ZNF141: variants seen among roughly 807,000 people sequenced by gnomAD.
ZNF141 encodes the protein zinc finger protein 141.
Under a neutral mutation model 11.3 loss-of-function variants are expected in ZNF141, and 7 were observed. The ratio of observed to expected loss-of-function variants is 0.62; its 90% CI spans 0.35 to 1.16. The LOEUF is 1.16. Ranked by LOEUF, ZNF141 falls within the 50% of genes most tolerant of loss-of-function variation. ZNF141 has a pLI of 0.02. For missense variants in ZNF141, 535 were observed against 554.0 expected, an observed-to-expected ratio of 0.97 and a Z score of 0.34; for synonymous variants, 183 against 190.7, an observed-to-expected ratio of 0.96 and a Z score of 0.33.
Position 378,440 on chromosome 4 carries a change from T to A in ZNF141, c.*4578T>A, listed in dbSNP as rs146309579. 5.9e-3 allele frequency among the ~76,000 whole-genome samples: 900 copies of A among 152,102 alleles called. 15 individuals carry two copies. The South Asian group carries it at 0.062, about 11-fold the overall frequency. On this transcript the variant is annotated 3_prime_UTR_variant, in exon 4 of 4. Coordinates refer to ENST00000240499, the MANE Select transcript of ZNF141 (RefSeq NM_003441.4). ...GCCTGCCACCACGCCCAGTTAATTT[T>A]TATATTTTTAGTAGAGATGGGGTTT... is the stretch of plus-strand genomic sequence containing the variant.
At chr4:371,559 T>TGC (rs2108652569) in intron 3 of ZNF141, among the ~76,000 whole-genome samples, 1 of 147,264 alleles carries the variant, frequency 6.8e-6, no homozygotes, top group African/African-American at 2.5e-5. Flanking sequence ...TGTGTGTGTG[T>TGC]GTCAGAGTCT....
rs1560196722 is a variant in ZNF141, at chr4:369,750, ATATATATATATATATTTTT to A, written c.227-2912_227-2894del. ...ATTTCTTAAAGAGATATATATATAT[ATATATATATATATATTTTT>A]TTTTTTTTTTTTTTTGAGAGGGAGT... On this transcript the variant is annotated intron_variant, in intron 3 of 3. Transcript: ENST00000240499. 8.5e-5 allele frequency among the ~76,000 whole-genome samples: 3 copies of A among 35,194 alleles called. 1 individual carries two copies. The highest frequency in any genetic ancestry group is 6.9e-4 in the Admixed American group (2 of 2,904). The allele number at this position is 35,194 out of a possible 152,430, so 23.1% of individuals were successfully genotyped here.
chr4:361,406 TTC>T (rs1722107269), intron 3 of ZNF141, among the ~76,000 whole-genome samples: 1 of 150,964 alleles, frequency 6.6e-6, no homozygotes. Flanking sequence ...TTTTTTTAAG[TTC>T]TAGGGTACAT....
intron 3 of ZNF141, among the ~76,000 whole-genome samples, chr4:357,764 T>G (rs947389247): frequency 8.0e-5 from 12 of 150,732 alleles, no homozygotes; most frequent in African/African-American, 2.7e-4. Flanking sequence ...TGGAGTGCAG[T>G]GGCACGATCT....
intron 3 of ZNF141, among the ~76,000 whole-genome samples, chr4:369,764 A>ATTTATATT (rs1711960320): frequency 2.1e-5 from 1 of 48,742 alleles, no homozygotes; most frequent in Non-Finnish European, 3.1e-5. Context: ...ATATATATAT[A>ATTTATATT]TTTTTTTTTT....
chr4:373,770 C>G lies in ZNF141; in HGVS notation c.1333C>G (p.His445Asp). 1 of 1,614,120 alleles carries G rather than the reference C, an allele frequency of 6.2e-7. No homozygotes were observed. The highest frequency in any genetic ancestry group is 2.2e-5 in the East Asian group (1 of 44,884). The change falls in exon 4 of 4, where the codon CAT becomes GAT. Residue 445 changes from histidine to aspartate, a missense_variant. His to Asp is a moderately conservative substitution (Grantham distance 81, BLOSUM62 -1). Transcript: ENST00000240499. ...FSLLSQHKKI[H>D]TVDKPYKCKD... ...GCTCCTGAGTCAACATAAGAAAATTCATACTGTAGATAAACCCTACAAATG... is the reference window on the plus strand; with the variant it reads ...GCTCCTGAGTCAACATAAGAAAATTGATACTGTAGATAAACCCTACAAATG...
chr4:372,767 T>C lies in ZNF141; in HGVS notation c.330T>C (p.Asn110=), dbSNP rs1712132768. The part of the protein sequence containing the change: ...LRRYEKCGHD[N]LQLRKGCKSL... Reference sequence around the variant, plus strand: ...GATATGAGAAATGTGGACATGATAATTTACAATTAAGAAAAGGCTGTAAAA... The same window carrying C: ...GATATGAGAAATGTGGACATGATAACTTACAATTAAGAAAAGGCTGTAAAA... Residue 110 remains asparagine (N), a synonymous_variant, in exon 4 of 4, where the codon AAT becomes AAC. Transcript: ENST00000240499. The C allele has an allele frequency of 6.2e-7, 1 of 1,613,758 alleles. No homozygotes were observed. The highest frequency in any genetic ancestry group is 1.7e-5 in the Admixed American group (1 of 59,968).
chr4:356,586 A>T (rs1300416989), intron 3 of ZNF141, among the ~76,000 whole-genome samples: 2 of 152,166 alleles, frequency 1.3e-5, no homozygotes, highest in African/African-American at 2.4e-5. Context: ...TGCTGGAATT[A>T]GAGGTGTGAG....
rs570639890 is a variant in ZNF141, at chr4:378,835, ATTTTTTTTTTTTTTT to A, written c.*4986_*5000del. ...GTTGAATCCAAACAGTTTCTCAGTGATTTTTTTTTTTTTTTTTTTTTTTTTTTGAGATGGAGTCTT... is the reference window on the plus strand; with the variant it reads ...GTTGAATCCAAACAGTTTCTCAGTGATTTTTTTTTTTTGAGATGGAGTCTT... On this transcript the variant is annotated 3_prime_UTR_variant, in exon 4 of 4. Coordinates refer to ENST00000240499, the MANE Select transcript of ZNF141 (RefSeq NM_003441.4). Among the ~76,000 whole-genome samples the A allele has an allele frequency of 3.8e-5, 3 of 78,606 alleles. No individual in the cohort carries two copies. Among genetic ancestry groups the A allele is most frequent in the African/African-American group, 6.0e-5 (1 of 16,530 alleles). The allele number at this position is 78,606 out of a possible 152,430, so 51.6% of individuals were successfully genotyped here. A position where few individuals can be genotyped will look rare whatever the true frequency, so the allele number is the denominator to read the frequency against.
At chr4:357,408 G>T (rs1161937217) in intron 3 of ZNF141, among the ~76,000 whole-genome samples, 2 of 147,190 alleles carry the variant, frequency 1.4e-5, no homozygotes, top group Admixed American at 1.4e-4. Context: ...GATAGAGTGA[G>T]ACTCTGTCTC....
chr4:360,466 A>C (rs1722057124), intron 3 of ZNF141, among the ~76,000 whole-genome samples: 1 of 152,212 alleles, frequency 6.6e-6, no homozygotes, highest in Non-Finnish European at 1.5e-5. Context: ...CATAAGTCAC[A>C]GTTGAAAACT....
chr4:363,918 C>T (rs1300817698), intron 3 of ZNF141, among the ~76,000 whole-genome samples: 2 of 152,038 alleles, frequency 1.3e-5, no homozygotes, highest in Admixed American at 6.6e-5. Context: ...TGAATTTTGC[C>T]GAAGGCCTTT....
Position 379,868 on chromosome 4 carries a change from C to T in ZNF141, c.*6006C>T, listed in dbSNP as rs547868323. ...TACATTGTCAAAAGCTTAATTCTAG[C>T]TGCTTAACAAATACTTCACCACACA... On this transcript the variant is annotated 3_prime_UTR_variant, in exon 4 of 4. Transcript: ENST00000240499. 2.6e-5 allele frequency among the ~76,000 whole-genome samples: 4 copies of T among 152,208 alleles called. No individual in the cohort carries two copies. Among genetic ancestry groups the T allele is most frequent in the Non-Finnish European group, 5.9e-5 (4 of 68,042 alleles).
intron 3 of ZNF141, among the ~76,000 whole-genome samples, chr4:349,350 A>C (rs1449249769): frequency 6.6e-6 from 1 of 151,964 alleles, no homozygotes; most frequent in Non-Finnish European, 1.5e-5. Flanking sequence ...AGTTCAATCA[A>C]TTTTTCTTAT....
rs1053875066 is a variant in ZNF141, at chr4:343,696, G to A, written c.4-86G>A. ...GCCGAGACTGCGCCGCTGCACTCCAGCCTGGGTGACAGAGCGAGACTCCGT... is the reference window on the plus strand; with the variant it reads ...GCCGAGACTGCGCCGCTGCACTCCAACCTGGGTGACAGAGCGAGACTCCGT... On this transcript the variant is annotated intron_variant, in intron 1 of 3. Transcript: ENST00000240499. 5.1e-5 allele frequency: 65 copies of A among 1,275,396 alleles called. No individual in the cohort carries two copies. In the African/African-American group the frequency reaches 1.1e-3, roughly 22 times the overall value. The allele number at this position is 1,275,396 out of a possible 1,614,324, so 79.0% of individuals were successfully genotyped here.
chr4:367,098 TATC>T (rs1711779964), intron 3 of ZNF141, among the ~76,000 whole-genome samples: 1 of 152,248 alleles, frequency 6.6e-6, no homozygotes, highest in African/African-American at 2.4e-5. Flanking sequence ...TAATAGCTGA[TATC>T]ATACTGGATA....
At chr4:354,102 T>C (rs1721738904) in intron 3 of ZNF141, among the ~76,000 whole-genome samples, 1 of 152,198 alleles carries the variant, frequency 6.6e-6, no homozygotes, top group Admixed American at 6.5e-5. Context: ...TTTTCTCCAG[T>C]AGAATAGGCT....
chr4:377,224 A>T lies in ZNF141; in HGVS notation c.*3362A>T, dbSNP rs1044134976. Among the ~76,000 whole-genome samples the T allele has an allele frequency of 6.6e-6, 1 of 152,118 alleles. No individual in the cohort carries two copies. Among genetic ancestry groups the T allele is most frequent in the South Asian group, 2.1e-4 (1 of 4,834 alleles). ...AAGTACTTGGAAAACTTTGTCAGTC[A>T]TGGGGATGTTTTGATCTATTATTGT... On this transcript the variant is annotated 3_prime_UTR_variant, in exon 4 of 4. Coordinates refer to ENST00000240499, the MANE Select transcript of ZNF141 (RefSeq NM_003441.4).
chr4:371,350 G>A (rs1203234061), intron 3 of ZNF141, among the ~76,000 whole-genome samples: 1 of 151,442 alleles, frequency 6.6e-6, no homozygotes, highest in Admixed American at 6.6e-5. Flanking sequence ...TCCTGCCTCA[G>A]CCTTCCGAGT....
Sources: allele counts gnomAD v4.1 joint callset (sites outside exome capture counted in the v4.1 genomes callset), GRCh38; gene constraint gnomAD v4.1.1; transcripts MANE v1.5; gene names NCBI Gene and HGNC (gene_info 2026-07-23, HGNC 2026-07-21).